The following IQGAP2 variants were observed in gnomAD, a reference collection of about 807,000 sequenced individuals.
IQGAP2 encodes the protein ras GTPase-activating-like protein IQGAP2.
In IQGAP2, 173 loss-of-function variants were observed where a neutral mutation model predicts 201.3. The observed-to-expected ratio is 0.86, with a 90% CI of 0.76 to 0.98. The LOEUF is 0.98. IQGAP2 is among the 50% of genes least tolerant of loss of function. IQGAP2 has a pLI of 0.00. For synonymous variants in IQGAP2, 675 were observed against 673.9 expected (o/e 1.00, Z -0.03); for missense variants, 1,687 against 1,864.8 (o/e 0.90, Z 1.76).
intron 13 of IQGAP2, among the ~76,000 whole-genome samples, chr5:76,622,099 T>C (rs1749745455): frequency 6.6e-6 from 1 of 152,174 alleles, no homozygotes; most frequent in Admixed American, 6.5e-5. Flanking sequence ...GCTTGCTTCA[T>C]TCTTCCTTCA....
chr5:76,704,521 C>T (rs756448877), intron 35 of IQGAP2, among the ~76,000 whole-genome samples: 26 of 152,182 alleles, frequency 1.7e-4, no homozygotes, highest in Non-Finnish European at 3.7e-4. Flanking sequence ...AAATGTTAAT[C>T]CTTAGCTATA....
At position 76,693,396 on chromosome 5, in the gene IQGAP2, G is replaced by A; in HGVS notation, c.3947G>A (p.Gly1316Glu). The change falls in exon 31 of 36, where the codon GGG (glycine) becomes GAG (glutamate). Residue 1316 changes from glycine to glutamate, a missense_variant. By Grantham distance (98) the Gly-to-Glu change is moderately conservative (BLOSUM62 -2). Transcript: ENST00000274364. ...ATTGATGTGATCCGGAACCAGCCAG[G>A]GAACACATTGACAGAAATCTTAGAG... is the stretch of plus-strand genomic sequence containing the variant. ...LIIDVIRNQPGNTLTEILETP... is the reference protein window; with the variant it reads ...LIIDVIRNQPENTLTEILETP... 1.2e-6 allele frequency: 2 copies of A among 1,613,838 alleles called. No homozygotes were observed. The highest frequency in any genetic ancestry group is 1.3e-5 in the African/African-American group (1 of 75,018).
rs566812123 is a variant in IQGAP2, at chr5:76,584,516, G to A, written c.459-4390G>A. Among the ~76,000 whole-genome samples, 20 of 152,236 alleles carry A rather than the reference G, an allele frequency of 1.3e-4. No homozygotes were observed. The South Asian group carries it at 2.9e-3, about 22-fold the overall frequency. On this transcript the variant is annotated intron_variant, in intron 5 of 35. Transcript: ENST00000274364. ...CGTGAGGTTTGCTCCAAGCAAAGGG[G>A]ACAGCAAGGAAAAGAAGAGCCTCAA...
intron 13 of IQGAP2, among the ~76,000 whole-genome samples, chr5:76,618,834 G>C (rs1369576262): frequency 2.6e-5 from 4 of 152,152 alleles, no homozygotes; most frequent in Non-Finnish European, 5.9e-5. Context: ...ACTATCTTGT[G>C]CGGAAACAAA....
Position 76,575,717 on chromosome 5 carries a change from G to A in IQGAP2, c.406G>A (p.Val136Ile). Residue 136 changes from valine to isoleucine, a missense_variant, in exon 5 of 36, where the codon GTC becomes ATC. Val to Ile is a conservative substitution (Grantham distance 29). Coordinates refer to ENST00000274364, the MANE Select transcript of IQGAP2 (RefSeq NM_006633.5). ...PKIFYPETTD[V>I]YDRKNIPRMI... Reference sequence around the variant, plus strand: ...GATATTTTATCCAGAAACAACAGATGTCTATGATCGGAAAAACATACCAAG... The same window carrying A: ...GATATTTTATCCAGAAACAACAGATATCTATGATCGGAAAAACATACCAAG... 1 of 1,589,976 alleles carries A rather than the reference G, an allele frequency of 6.3e-7. No homozygotes were observed. The highest frequency in any genetic ancestry group is 8.6e-7 in the Non-Finnish European group (1 of 1,164,854).
chr5:76,416,631 G>C (rs1215010899), intron 1 of IQGAP2, among the ~76,000 whole-genome samples: 1 of 151,674 alleles, frequency 6.6e-6, no homozygotes, highest in Non-Finnish European at 1.5e-5. Flanking sequence ...GTGTTCAAGC[G>C]ATTCTTCTGC....
intron 17 of IQGAP2, among the ~76,000 whole-genome samples, chr5:76,643,696 C>T (rs955009681): frequency 3.9e-5 from 6 of 151,972 alleles, no homozygotes; most frequent in African/African-American, 1.5e-4. Context: ...TAGGAAAGGA[C>T]ATAATAGTGG....
intron 13 of IQGAP2, among the ~76,000 whole-genome samples, chr5:76,619,602 CG>C (rs1749408335): frequency 1.3e-5 from 2 of 151,088 alleles, no homozygotes; most frequent in African/African-American, 4.9e-5. Context: ...CTGCAACCTC[CG>C]CCTCCCGGGT....
intron 2 of IQGAP2, among the ~76,000 whole-genome samples, chr5:76,468,258 T>C (rs1311888550): frequency 6.6e-6 from 1 of 152,172 alleles, no homozygotes; most frequent in African/African-American, 2.4e-5. Flanking sequence ...GATATCTAAA[T>C]ACTGTGTTTG....
Position 76,597,479 on chromosome 5 carries a change from A to T in IQGAP2, c.948A>T (p.Glu316Asp). Residue 316 changes from glutamate to aspartate, a missense_variant, in exon 10 of 36, where the codon GAA becomes GAT. Transcript: ENST00000274364. ...ACCATATCAATGCTGTCATTCCGGA[A>T]GGTGACCCCGAGAATACGCTGCTTG... is the stretch of plus-strand genomic sequence containing the variant. Reference protein sequence around the residue: ...AVDHINAVIPEGDPENTLLAL... With the variant: ...AVDHINAVIPDGDPENTLLAL... The T allele has an allele frequency of 6.2e-7, 1 of 1,614,050 alleles. No homozygotes were observed. Among genetic ancestry groups the T allele is most frequent in the Non-Finnish European group, 8.5e-7 (1 of 1,179,996 alleles).
chr5:76,534,648 T>C (rs1422837051), intron 2 of IQGAP2, among the ~76,000 whole-genome samples: 3 of 152,330 alleles, frequency 2.0e-5, no homozygotes, highest in East Asian at 3.9e-4. Flanking sequence ...TTTGGGAATG[T>C]TGTGTGTCAG....
chr5:76,501,531 C>G (rs926292564), intron 2 of IQGAP2, among the ~76,000 whole-genome samples: 3 of 151,786 alleles, frequency 2.0e-5, no homozygotes, highest in East Asian at 1.9e-4. Context: ...CTGGTGTTCC[C>G]CCTTATCCTC....
chr5:76,525,342 T>C (rs1281996387), intron 2 of IQGAP2, among the ~76,000 whole-genome samples: 1 of 152,254 alleles, frequency 6.6e-6, no homozygotes, highest in African/African-American at 2.4e-5. Context: ...TGATAAGTTG[T>C]GGTTTTGCCC....
chr5:76,658,555 G>A lies in IQGAP2; in HGVS notation c.2417G>A (p.Arg806Gln), dbSNP rs749399514. Reference sequence around the variant, plus strand: ...TTCCAGGAGGAACTAGAGGTTGCACGATTAAGGGAAGAAGTAGTGACCAAG... The same window carrying A: ...TTCCAGGAGGAACTAGAGGTTGCACAATTAAGGGAAGAAGTAGTGACCAAG... The part of the protein sequence containing the change: ...LDFQEELEVA[R>Q]LREEVVTKIR... Residue 806 changes from arginine to glutamine, a missense_variant, in exon 21 of 36, where the codon CGA (arginine) becomes CAA (glutamine). Transcript: ENST00000274364. The A allele has an allele frequency of 1.7e-5, 28 of 1,613,926 alleles. No homozygotes were observed. Among genetic ancestry groups the A allele is most frequent in the Non-Finnish European group, 2.2e-5 (26 of 1,179,994 alleles).
At chr5:76,656,878 C>T (rs1742785407) in intron 20 of IQGAP2, among the ~76,000 whole-genome samples, 2 of 139,798 alleles carry the variant, frequency 1.4e-5, no homozygotes, top group Non-Finnish European at 3.1e-5. Flanking sequence ...AAAACTAAGG[C>T]TTTGGGATTT....
rs1256722074 is a variant in IQGAP2 at position 76,403,326 on chromosome 5, G to A, written c.-220G>A. The A allele has an allele frequency of 7.9e-6, 3 of 381,438 alleles. No individual in the cohort carries two copies. Among genetic ancestry groups the A allele is most frequent in the Non-Finnish European group, 1.4e-5 (3 of 216,212 alleles). 23.6% of individuals were successfully genotyped at this position (381,438 alleles called of 1,614,324 possible). A position where few individuals can be genotyped will look rare whatever the true frequency, so the allele number is the denominator to read the frequency against. On this transcript the variant is annotated 5_prime_UTR_variant, in exon 1 of 36. Transcript: ENST00000274364. The surrounding 1 kb of genome is among the most constrained non-coding windows in gnomAD (Gnocchi z 4.8). ...GCGGCGGCGACCGGCCAGGGAGCGA[G>A]GGAGGAGAGTTCACTTTTACTTCAG...
intron 30 of IQGAP2, among the ~76,000 whole-genome samples, chr5:76,687,627 C>T (rs1745905656): frequency 6.6e-6 from 1 of 152,166 alleles, no homozygotes; most frequent in Non-Finnish European, 1.5e-5. Flanking sequence ...GGCATTAACA[C>T]CTGAGCTCCA....
chr5:76,534,434 A>G (rs971279958), intron 2 of IQGAP2, among the ~76,000 whole-genome samples: 3 of 152,238 alleles, frequency 2.0e-5, no homozygotes, highest in African/African-American at 7.2e-5. Context: ...AAAATCTGTG[A>G]TTATCTGGAT....
At chr5:76,687,894 A>G (rs949071778) in intron 30 of IQGAP2, among the ~76,000 whole-genome samples, 1 of 152,218 alleles carries the variant, frequency 6.6e-6, no homozygotes, top group Non-Finnish European at 1.5e-5. Context: ...AACAAAGTGC[A>G]CAATAAATGT....
Sources: gnomAD v4.1 joint callset for allele counts (sites outside exome capture counted in the v4.1 genomes callset) on GRCh38, gnomAD v4.1.1 for gene constraint, Gnocchi (gnomAD v3.1) non-coding constraint, MANE v1.5 for transcripts, NCBI Gene and HGNC (gene_info 2026-07-23, HGNC 2026-07-21) for gene names.